Variants in CFAP20DC observed in about 807,000 individuals in gnomAD.
The protein encoded by CFAP20DC is protein CFAP20DC.
A neutral mutation model predicts 101.7 loss-of-function variants in CFAP20DC; 84 were observed. The observed-to-expected ratio is 0.83, with a 90% CI of 0.69 to 0.99. The LOEUF (loss-of-function observed/expected upper bound fraction) is 0.99. Among genes scored for constraint, CFAP20DC ranks in the 50% least tolerant of loss-of-function variants. The probability of loss-of-function intolerance (pLI) is 0.00; values close to 1 mark genes in which losing one functional copy is unlikely to be tolerated. For missense variants in CFAP20DC, 1,007 were observed against 970.3 expected, an observed-to-expected ratio of 1.04 and a Z score of -0.50; for synonymous variants, 359 against 351.2, an observed-to-expected ratio of 1.02 and a Z score of -0.25.
At chr3:58,939,379 A>G (rs1003097420) in intron 4 of CFAP20DC, among the ~76,000 whole-genome samples, 1 of 152,164 alleles carries the variant, frequency 6.6e-6, no homozygotes, top group African/African-American at 2.4e-5. Flanking sequence ...GACTGCATTA[A>G]CCAAAAATTC....
At chr3:58,877,791 G>A (rs1257489991) in intron 7 of CFAP20DC, among the ~76,000 whole-genome samples, 2 of 152,124 alleles carry the variant, frequency 1.3e-5, no homozygotes, top group Non-Finnish European at 1.5e-5. Flanking sequence ...TGAAAAACTG[G>A]GTTTATTAAT....
At chr3:58,906,811 C>T (rs775454837) in intron 6 of CFAP20DC, among the ~76,000 whole-genome samples, 2 of 152,010 alleles carry the variant, frequency 1.3e-5, no homozygotes, top group Non-Finnish European at 2.9e-5. Flanking sequence ...ACCTGTAGTC[C>T]CAGCTCATCA....
rs145887277 is a variant in CFAP20DC, at chr3:58,999,913, T to C, written c.278+39644A>G. ...AGGCCACAAAGAGAGAGGGTTCTTA[T>C]GCTTGCTTATGCTTGTATGCCTCAT... is the stretch of plus-strand genomic sequence containing the variant. On this transcript the variant is annotated intron_variant, in intron 4 of 16. Transcript: ENST00000482387. 1.7e-4 allele frequency among the ~76,000 whole-genome samples: 25 copies of C among 149,198 alleles called. No homozygotes were observed. The East Asian group carries it at 3.9e-3, about 23-fold the overall frequency.
At chr3:58,940,601 T>C (rs2088408498) in intron 4 of CFAP20DC, among the ~76,000 whole-genome samples, 1 of 152,224 alleles carries the variant, frequency 6.6e-6, no homozygotes, top group South Asian at 2.1e-4. Context: ...TGTGTGAGGT[T>C]GTATTTCTGG....
chr3:58,817,808 C>G (rs1246437733), intron 14 of CFAP20DC, among the ~76,000 whole-genome samples: 3 of 152,042 alleles, frequency 2.0e-5, no homozygotes, highest in African/African-American at 7.2e-5. Flanking sequence ...AGATACTCCT[C>G]AAGAAGAGCA....
intron 6 of CFAP20DC, among the ~76,000 whole-genome samples, chr3:58,891,110 G>A (rs1378097766): frequency 2.7e-5 from 4 of 150,442 alleles, no homozygotes; most frequent in Non-Finnish European, 3.0e-5. Flanking sequence ...CCGAGATCAC[G>A]CCACTGCACT....
intron 14 of CFAP20DC, among the ~76,000 whole-genome samples, chr3:58,817,189 A>AG (rs1341371961): frequency 6.9e-6 from 1 of 144,446 alleles, no homozygotes; most frequent in African/African-American, 2.9e-5. Context: ...AAAGATGGGG[A>AG]AAAAACAGAA....
chr3:58,968,740 T>C (rs1372624862), intron 4 of CFAP20DC, among the ~76,000 whole-genome samples: 1 of 152,222 alleles, frequency 6.6e-6, no homozygotes, highest in African/African-American at 2.4e-5. Flanking sequence ...TTTTTGCTTC[T>C]GTTGCAATTG....
chr3:58,809,817 A>C (rs1397865597), intron 14 of CFAP20DC, among the ~76,000 whole-genome samples: 4 of 152,200 alleles, frequency 2.6e-5, no homozygotes, highest in Non-Finnish European at 5.9e-5. Context: ...AAGACTAATA[A>C]AGAAAAAAAG....
chr3:58,809,154 G>T (rs1342263526), intron 14 of CFAP20DC, among the ~76,000 whole-genome samples: 5 of 151,142 alleles, frequency 3.3e-5, no homozygotes, highest in Non-Finnish European at 7.4e-5. Flanking sequence ...TAGACAGAAA[G>T]TTAACAAGGA....
intron 7 of CFAP20DC, 57 bp from the exon 8 acceptor site, chr3:58,870,366 A>T: frequency 1.9e-6 from 3 of 1,545,910 alleles, no homozygotes; most frequent in Non-Finnish European, 2.7e-6. Flanking sequence ...GACAAACATC[A>T]CACTGCAATC....
intron 5 of CFAP20DC, among the ~76,000 whole-genome samples, chr3:58,920,314 G>T (rs940631815): frequency 6.6e-6 from 1 of 151,822 alleles, no homozygotes; most frequent in African/African-American, 2.4e-5. Flanking sequence ...GGCTGGTCTC[G>T]AACTCCTGGG....
chr3:58,756,999 G>A (rs1217813927), intron 15 of CFAP20DC, among the ~76,000 whole-genome samples: 1 of 151,944 alleles, frequency 6.6e-6, no homozygotes, highest in Non-Finnish European at 1.5e-5. Flanking sequence ...TGCAATGATT[G>A]CAATGAACAC....
chr3:58,829,833 C>T (rs916468106), intron 14 of CFAP20DC, among the ~76,000 whole-genome samples: 5 of 152,268 alleles, frequency 3.3e-5, no homozygotes, highest in African/African-American at 1.2e-4. Flanking sequence ...ATAATCATTC[C>T]TCAGCTTGCC....
intron 15 of CFAP20DC, among the ~76,000 whole-genome samples, chr3:58,764,479 C>T (rs1180308300): frequency 6.6e-6 from 1 of 152,224 alleles, no homozygotes; most frequent in Non-Finnish European, 1.5e-5. Context: ...ACCCCTTGCG[C>T]TTCCCAGGTG....
chr3:58,727,478 C>T (rs1184715140), intron 3 of CFAP20DC: 3 of 152,402 alleles, frequency 2.0e-5, no homozygotes, highest in East Asian at 1.9e-4. Context: ...GCTGTGTTGC[C>T]CAGGCTGGAG....
At chr3:58,873,079 G>A (rs1044780554) in intron 7 of CFAP20DC, among the ~76,000 whole-genome samples, 78 of 103,996 alleles carry the variant, frequency 7.5e-4, no homozygotes, top group Middle Eastern at 8.3e-3. Context: ...GCTGTAAGGC[G>A]GGTGCTCAAG....
chr3:58,785,691 C>T (rs924883131), intron 15 of CFAP20DC, among the ~76,000 whole-genome samples: 3 of 152,104 alleles, frequency 2.0e-5, no homozygotes, highest in African/African-American at 2.4e-5. Context: ...CCTCCCATAA[C>T]GGGTTTGCTT....
intron 4 of CFAP20DC, among the ~76,000 whole-genome samples, chr3:58,960,519 A>AT (rs1386846957): frequency 1.1e-4 from 17 of 150,798 alleles, no homozygotes; most frequent in African/African-American, 3.9e-4. Context: ...TTCCTATTTT[A>AT]TTTTTTTGAT....
Sources: gnomAD v4.1 joint callset for allele counts (sites outside exome capture counted in the v4.1 genomes callset) on GRCh38, gnomAD v4.1.1 for gene constraint, MANE v1.5 for transcripts, NCBI Gene and HGNC (gene_info 2026-07-23, HGNC 2026-07-21) for gene names.